The following ARHGEF17 variants were observed in gnomAD, a reference collection of about 807,000 sequenced individuals.
ARHGEF17 encodes 164 kDa Rho-specific guanine-nucleotide exchange factor.
In ARHGEF17, 80 loss-of-function variants were observed where a neutral mutation model predicts 174.0. That is an observed-to-expected ratio of 0.46 (90% CI 0.38 to 0.55). The LOEUF (loss-of-function observed/expected upper bound fraction) is 0.55, where lower values mean the gene tolerates loss of function less well. ARHGEF17 is among the 20% of genes least tolerant of loss of function. ARHGEF17 has a pLI of 0.00. For synonymous variants in ARHGEF17, 1,311 were observed against 1,189.1 expected (o/e 1.10, Z -2.11); for missense variants, 2,886 against 2,839.7 (o/e 1.02, Z -0.37).
rs113855935 is a variant in ARHGEF17 at position 73,353,165 on chromosome 11, C to T, written c.3453+153C>T. ...AACTTGGCTAGACATTGGTACTTAC[C>T]CCAGCCCCTGGGTGGACCTGAACTT... On this transcript the variant is annotated intron_variant, in intron 3 of 20. Coordinates refer to ENST00000263674, the MANE Select transcript of ARHGEF17 (RefSeq NM_014786.4). 5.9e-6 allele frequency: 6 copies of T among 1,023,132 alleles called. No individual in the cohort carries two copies. In the African/African-American group the frequency reaches 6.4e-5, roughly 11 times the overall value. The allele number at this position is 1,023,132 out of a possible 1,614,324, so 63.4% of individuals were successfully genotyped here.
chr11:73,320,920 C>T (rs1263108216), intron 1 of ARHGEF17, among the ~76,000 whole-genome samples: 2 of 152,144 alleles, frequency 1.3e-5, no homozygotes, highest in Non-Finnish European at 2.9e-5. Flanking sequence ...CCTTGGCCTC[C>T]CAAAGTGCTG....
chr11:73,308,934 C>T lies in ARHGEF17; in HGVS notation c.296C>T (p.Ala99Val). The change falls in exon 1 of 21, where the codon GCT (alanine) becomes GTT (valine). Residue 99 changes from alanine to valine, a missense_variant. Around this residue, in one of 4 missense-constraint regions of ARHGEF17, gnomAD observed 1,728 missense variants for 1,461.2 expected, o/e 1.18. Coordinates refer to ENST00000263674, the MANE Select transcript of ARHGEF17 (RefSeq NM_014786.4). Reference protein sequence around the residue: ...FDAPRLDDGSAGTRDGGVLPA... With the variant: ...FDAPRLDDGSVGTRDGGVLPA... The stretch of plus-strand genomic sequence containing the variant: ...GCGCCGCGTCTGGACGACGGCTCCG[C>T]TGGGACCCGAGACGGAGGCGTCTTA... 7.3e-7 allele frequency: 1 copy of T among 1,364,862 alleles called. No individual in the cohort carries two copies. The allele number at this position is 1,364,862 out of a possible 1,614,324, so 84.5% of individuals were successfully genotyped here. A position where few individuals can be genotyped will look rare whatever the true frequency, so the allele number is the denominator to read the frequency against.
At position 73,310,933 on chromosome 11, in the gene ARHGEF17, C is replaced by T. The variant is rs1864817512; in HGVS notation, c.2295C>T (p.Pro765=). ...VDSNLLGSLS[P]KTGLPATSAM... ...GCAACCTCCTGGGCTCACTGAGCCC[C>T]AAGACAGGGCTCCCTGCCACCTCAG... Residue 765 remains proline, a synonymous_variant, in exon 1 of 21, where the codon CCC becomes CCT. Coordinates refer to ENST00000263674, the MANE Select transcript of ARHGEF17 (RefSeq NM_014786.4). 6.2e-7 allele frequency: 1 copy of T among 1,614,054 alleles called. No homozygotes were observed. The highest frequency in any genetic ancestry group is 8.5e-7 in the Non-Finnish European group (1 of 1,180,006).
intron 9 of ARHGEF17, 104 bp downstream of exon 9, chr11:73,357,431 C>A: frequency 1.8e-6 from 2 of 1,110,432 alleles, no homozygotes; most frequent in South Asian, 1.5e-5. Context: ...AGCTGCTTTT[C>A]CACTTTTGGG....
intron 6 of ARHGEF17, 145 bp downstream of exon 6, chr11:73,356,496 C>A: frequency 8.3e-7 from 1 of 1,198,184 alleles, no homozygotes; most frequent in Non-Finnish European, 1.2e-6. Flanking sequence ...GTCTGCCAGC[C>A]TCTGTGGCCA....
chr11:73,361,602 C>G (rs982484907), intron 12 of ARHGEF17, among the ~76,000 whole-genome samples: 1 of 152,146 alleles, frequency 6.6e-6, no homozygotes, highest in African/African-American at 2.4e-5. Context: ...TGGCTTACGT[C>G]TGTAATTCCA....
In ARHGEF17 at chr11:73,353,028, G is replaced by A. The variant is rs149535622; in HGVS notation, c.3453+16G>A. On this transcript the variant is annotated intron_variant, in intron 3 of 20. Coordinates refer to ENST00000263674, the MANE Select transcript of ARHGEF17 (RefSeq NM_014786.4). The stretch of plus-strand genomic sequence containing the variant: ...CGTCCAGTCGGTGAGTGGCCCCGCT[G>A]CTGCCAATTCCCACAAGCACAGGCC... 3.2e-4 allele frequency: 510 copies of A among 1,612,392 alleles called. No homozygotes were observed. In the African/African-American group the frequency reaches 6.2e-3, roughly 19 times the overall value.
chr11:73,346,464 G>T (rs1490508229), intron 1 of ARHGEF17, among the ~76,000 whole-genome samples: 2 of 152,242 alleles, frequency 1.3e-5, no homozygotes, highest in Non-Finnish European at 2.9e-5. Flanking sequence ...TGTCCCCATA[G>T]CACTGAGCCT....
At chr11:73,349,059 C>CATGG (rs1865510481) in intron 2 of ARHGEF17, among the ~76,000 whole-genome samples, 1 of 152,154 alleles carries the variant, frequency 6.6e-6, no homozygotes, top group Non-Finnish European at 1.5e-5. Flanking sequence ...GGCTGCTGGG[C>CATGG]ATGGAGCTGG....
chr11:73,365,251 C>A lies in ARHGEF17; in HGVS notation c.5551-139C>A. ...CTAAGTTGGGAGGTGCTGGTGAAACCAAGCTTCGAAAGGTTAATCAGACCA... is the reference window on the plus strand; with the variant it reads ...CTAAGTTGGGAGGTGCTGGTGAAACAAAGCTTCGAAAGGTTAATCAGACCA... On this transcript the variant is annotated intron_variant, in intron 18 of 20. Coordinates refer to ENST00000263674, the MANE Select transcript of ARHGEF17 (RefSeq NM_014786.4). This position sits in a 1 kb window ranked among gnomAD's most constrained non-coding sequence, Gnocchi z 4.9. 2.1e-6 allele frequency: 2 copies of A among 937,240 alleles called. No individual in the cohort carries two copies. Among genetic ancestry groups the A allele is most frequent in the Non-Finnish European group, 3.2e-6 (2 of 629,516 alleles). The allele number at this position is 937,240 out of a possible 1,614,324, so 58.1% of individuals were successfully genotyped here.
intron 2 of ARHGEF17, among the ~76,000 whole-genome samples, chr11:73,349,785 A>G (rs1865523426): frequency 1.3e-5 from 2 of 152,228 alleles, no homozygotes; most frequent in Non-Finnish European, 1.5e-5. Flanking sequence ...GAGAGGGTGC[A>G]GGACCTGTGG....
At chr11:73,367,392 A>G (rs1262801279) in intron 20 of ARHGEF17, among the ~76,000 whole-genome samples, 192 bp from the exon 21 acceptor site, 1 of 152,242 alleles carries the variant, frequency 6.6e-6, no homozygotes, top group Non-Finnish European at 1.5e-5. Flanking sequence ...CAGATGGGAC[A>G]TAAGAAGTCT....
intron 2 of ARHGEF17, 118 bp from the exon 3 acceptor site, chr11:73,352,712 G>C: frequency 9.3e-7 from 1 of 1,073,348 alleles, no homozygotes; most frequent in South Asian, 1.5e-5. Flanking sequence ...GATGTGGAAG[G>C]CAGGGCGCTG....
At chr11:73,335,075 G>A (rs544908002) in intron 1 of ARHGEF17, among the ~76,000 whole-genome samples, 2 of 152,368 alleles carry the variant, frequency 1.3e-5, no homozygotes, top group South Asian at 4.1e-4. Context: ...TTTTAAGCCA[G>A]GGCTGGGACC....
intron 1 of ARHGEF17, among the ~76,000 whole-genome samples, chr11:73,346,612 T>TGGGGCA (rs1269447021): frequency 6.6e-6 from 1 of 152,140 alleles, no homozygotes; most frequent in Non-Finnish European, 1.5e-5. Context: ...AGTGGGTGGA[T>TGGGGCA]GGGGCAGGGG....
At position 73,360,203 on chromosome 11, in the gene ARHGEF17, AG is replaced by A. The variant is rs1418655337; in HGVS notation, c.4207-114del. On this transcript the variant is annotated intron_variant, in intron 10 of 20. Coordinates refer to ENST00000263674, the MANE Select transcript of ARHGEF17 (RefSeq NM_014786.4). ...CATATATCAAAGGAATCCAGGTCTG[AG>A]GGAGGAGACAGTCTCACTTGCTGTC... 18 of 1,185,454 alleles carry A rather than the reference AG, an allele frequency of 1.5e-5. No individual in the cohort carries two copies. In the Admixed American group the frequency reaches 2.2e-4, roughly 14 times the overall value. 73.4% of individuals were successfully genotyped at this position (1,185,454 alleles called of 1,614,324 possible).
Position 73,311,838 on chromosome 11 carries a change from C to T in ARHGEF17, c.3192+8C>T. On this transcript the variant is annotated splice_region_variant and intron_variant, in intron 1 of 20. Coordinates refer to ENST00000263674, the MANE Select transcript of ARHGEF17 (RefSeq NM_014786.4). ...TGCAGCAAGCCACAGGTGGTGAGTC[C>T]TTTGTAGGGGCCTTCAGATTGGGGC... 6.3e-7 allele frequency: 1 copy of T among 1,589,928 alleles called. No individual in the cohort carries two copies. Among genetic ancestry groups the T allele is most frequent in the South Asian group, 1.1e-5 (1 of 89,294 alleles).
At chr11:73,359,604 T>C (rs950326288) in intron 9 of ARHGEF17, among the ~76,000 whole-genome samples, 7 of 152,230 alleles carry the variant, frequency 4.6e-5, no homozygotes, top group African/African-American at 1.7e-4. Flanking sequence ...GGGCCTGACA[T>C]CCTGCGCCAC....
At chr11:73,356,890 T>C in intron 7 of ARHGEF17, 131 bp downstream of exon 7, 1 of 1,498,148 alleles carries the variant, frequency 6.7e-7, no homozygotes, top group Non-Finnish European at 9.2e-7. Flanking sequence ...GTCCCCACTC[T>C]GCTCTGACTC....
Sources: gnomAD v4.1 joint callset for allele counts (sites outside exome capture counted in the v4.1 genomes callset) on GRCh38, gnomAD v4.1.1 for gene constraint, gnomAD v4.1.1 regional missense constraint, Gnocchi (gnomAD v3.1) non-coding constraint, MANE v1.5 for transcripts, NCBI Gene and HGNC (gene_info 2026-07-23, HGNC 2026-07-21) for gene names.